The following RPS6KC1 variants were observed in gnomAD, a reference collection of about 807,000 sequenced individuals.
RPS6KC1 encodes ribosomal protein S6 kinase C1.
Under a neutral mutation model 103.8 loss-of-function variants are expected in RPS6KC1, and 54 were observed. The observed-to-expected ratio is 0.52, with a 90% confidence interval of 0.42 to 0.65. RPS6KC1 has a LOEUF of 0.65. RPS6KC1 is among the 30% of genes least tolerant of loss of function. The probability of loss-of-function intolerance (pLI) is 0.00; values close to 1 mark genes in which losing one functional copy is unlikely to be tolerated. For synonymous variants in RPS6KC1, 439 were observed against 438.7 expected (o/e 1.00, Z -0.01); for missense variants, 1,151 against 1,253.8 (o/e 0.92, Z 1.24).
chr1:213,378,304 C>G, the RPS6KC1 span, among the ~76,000 whole-genome samples: 1 of 152,228 alleles, frequency 6.6e-6, no homozygotes, highest in African/African-American at 2.4e-5. Flanking sequence ...GTTTCCCCAT[C>G]TGTAAAGAGG....
At chr1:213,802,841 C>A in the RPS6KC1 span, among the ~76,000 whole-genome samples, 225 of 152,248 alleles carry the variant, frequency 1.5e-3, no homozygotes, top group Non-Finnish European at 2.3e-3. Flanking sequence ...GTTGCAATGT[C>A]TCCAGTTCAC....
the RPS6KC1 span, among the ~76,000 whole-genome samples, chr1:213,596,104 G>T: frequency 6.6e-6 from 1 of 152,224 alleles, no homozygotes; most frequent in African/African-American, 2.4e-5. Flanking sequence ...TTATGAAAAT[G>T]ACAGGAAGTG....
chr1:213,646,360 G>A, the RPS6KC1 span, among the ~76,000 whole-genome samples: 1 of 152,224 alleles, frequency 6.6e-6, no homozygotes, highest in African/African-American at 2.4e-5. Context: ...TCTAGAGACA[G>A]GAGTGTGGCC....
the RPS6KC1 span, among the ~76,000 whole-genome samples, chr1:213,454,149 G>GA: frequency 6.6e-6 from 1 of 150,744 alleles, no homozygotes; most frequent in Admixed American, 6.6e-5. Flanking sequence ...TGACCACATG[G>GA]GGGGGGTCAG....
intron 8 of RPS6KC1, among the ~76,000 whole-genome samples, chr1:213,225,693 T>C (rs1256967227): frequency 6.6e-6 from 1 of 152,174 alleles, no homozygotes; most frequent in Non-Finnish European, 1.5e-5. Flanking sequence ...CCAGCCGGTT[T>C]GGCCTTTTTA....
At chr1:213,058,058 C>T (rs1482500105) in intron 1 of RPS6KC1, among the ~76,000 whole-genome samples, 1 of 139,732 alleles carries the variant, frequency 7.2e-6, no homozygotes, top group Non-Finnish European at 1.5e-5. Flanking sequence ...GTGCGCCTGA[C>T]CTTTTTTTTT....
chr1:213,615,533 G>T, the RPS6KC1 span, among the ~76,000 whole-genome samples: 1 of 152,246 alleles, frequency 6.6e-6, no homozygotes, highest in Non-Finnish European at 1.5e-5. Context: ...TGTGGCTGAG[G>T]CTTTCTTTCA....
At chr1:213,531,243 GA>G in the RPS6KC1 span, among the ~76,000 whole-genome samples, 2 of 152,076 alleles carry the variant, frequency 1.3e-5, no homozygotes, top group African/African-American at 4.8e-5. Context: ...AACTGTTCTT[GA>G]AATTTCTTCT....
intron 8 of RPS6KC1, among the ~76,000 whole-genome samples, chr1:213,178,310 C>T (rs1457010167): frequency 6.6e-6 from 1 of 151,662 alleles, no homozygotes; most frequent in Non-Finnish European, 1.5e-5. Context: ...GAGGCCGAGG[C>T]CAGTGGATCA....
At chr1:213,422,195 C>T in the RPS6KC1 span, among the ~76,000 whole-genome samples, 5,444 of 152,290 alleles carry the variant, frequency 0.036, 145 homozygotes, top group Non-Finnish European at 0.054. Context: ...CTCCAGCCCT[C>T]ATCTCTATGA....
At chr1:213,172,930 C>T (rs1371120166) in intron 7 of RPS6KC1, among the ~76,000 whole-genome samples, 1 of 152,178 alleles carries the variant, frequency 6.6e-6, no homozygotes, top group African/African-American at 2.4e-5. Context: ...AATCATATTA[C>T]CTAGAAATAC....
At chr1:213,496,758 G>C in the RPS6KC1 span, among the ~76,000 whole-genome samples, 1 of 151,834 alleles carries the variant, frequency 6.6e-6, no homozygotes, top group South Asian at 2.1e-4. Context: ...ACTCAGTCTC[G>C]GGGGAAAAAA....
chr1:213,854,403 A>G, the RPS6KC1 span, among the ~76,000 whole-genome samples: 2 of 152,204 alleles, frequency 1.3e-5, no homozygotes, highest in African/African-American at 2.4e-5. Context: ...TTGAGTTTCT[A>G]TGACTCCATT....
chr1:213,793,385 G>C, the RPS6KC1 span, among the ~76,000 whole-genome samples: 2 of 152,102 alleles, frequency 1.3e-5, no homozygotes, highest in African/African-American at 4.8e-5. Context: ...CGCGACTGCC[G>C]TGCTCCCACA....
chr1:213,632,897 G>A, the RPS6KC1 span, among the ~76,000 whole-genome samples: 24 of 152,270 alleles, frequency 1.6e-4, no homozygotes, highest in South Asian at 2.1e-4. Context: ...ACTACGTGAC[G>A]CATGCACAAG....
At chr1:213,425,140 T>TAA in the RPS6KC1 span, among the ~76,000 whole-genome samples, 2 of 151,308 alleles carry the variant, frequency 1.3e-5, no homozygotes, top group Non-Finnish European at 2.9e-5. Flanking sequence ...TCAGTTACAT[T>TAA]AAAAAAAAAT....
At chr1:213,640,229 A>G in the RPS6KC1 span, among the ~76,000 whole-genome samples, 24 of 151,886 alleles carry the variant, frequency 1.6e-4, no homozygotes, top group Non-Finnish European at 2.1e-4. Flanking sequence ...AATGCCTGTG[A>G]GGTCTGCAGT....
At chr1:213,584,996 A>C in the RPS6KC1 span, among the ~76,000 whole-genome samples, 1 of 152,218 alleles carries the variant, frequency 6.6e-6, no homozygotes, top group African/African-American at 2.4e-5. Flanking sequence ...GTGAGTAAGA[A>C]ACTGGGACAT....
intron 7 of RPS6KC1, among the ~76,000 whole-genome samples, chr1:213,169,329 CA>C (rs1298120980): frequency 2.6e-5 from 4 of 152,104 alleles, no homozygotes; most frequent in Non-Finnish European, 5.9e-5. Flanking sequence ...TCTTATAAAA[CA>C]AAAAGATTGT....
Sources: gnomAD v4.1 joint callset for allele counts (sites outside exome capture counted in the v4.1 genomes callset) on GRCh38, gnomAD v4.1.1 for gene constraint, MANE v1.5 for transcripts, NCBI Gene and HGNC (gene_info 2026-07-23, HGNC 2026-07-21) for gene names.